CNIH3: variants seen among roughly 807,000 people sequenced by gnomAD.
CNIH3 encodes protein cornichon homolog 3.
CNIH3 carries 14 observed loss-of-function variants against 24.1 expected under a neutral mutation model. The observed-to-expected ratio is 0.58, with a 90% CI of 0.38 to 0.91. The LOEUF (loss-of-function observed/expected upper bound fraction) is 0.91. Among genes scored for constraint, CNIH3 ranks in the 40% least tolerant of loss-of-function variants. The probability of loss-of-function intolerance (pLI) is 0.00; values close to 1 mark genes in which losing one functional copy is unlikely to be tolerated. For missense variants in CNIH3, 178 were observed against 196.8 expected (o/e 0.90, Z 0.57); for synonymous variants, 68 against 73.8 (o/e 0.92, Z 0.40).
chr1:224,608,418 T>C (rs2405317), intron 3 of CNIH3, among the ~76,000 whole-genome samples: 107,000 of 152,054 alleles, frequency 0.7, 39,352 homozygotes, highest in East Asian at 0.99. Flanking sequence ...GAGCAATTCC[T>C]GTCCCTTTTA....
At chr1:224,548,975 C>T (rs1356863088) in intron 3 of CNIH3, among the ~76,000 whole-genome samples, 3 of 146,406 alleles carry the variant, frequency 2.0e-5, no homozygotes, top group Non-Finnish European at 4.6e-5. Context: ...CTTTTCATAG[C>T]ATCACAGTGT....
intron 1 of CNIH3, among the ~76,000 whole-genome samples, chr1:224,486,417 T>C (rs1370993709): frequency 6.6e-6 from 1 of 152,170 alleles, no homozygotes; most frequent in African/African-American, 2.4e-5. Flanking sequence ...GTTTTATGCA[T>C]AGTCCTTAAG....
intron 1 of CNIH3, among the ~76,000 whole-genome samples, chr1:224,474,416 T>C (rs1676487069): frequency 6.7e-6 from 1 of 148,778 alleles, no homozygotes; most frequent in Non-Finnish European, 1.5e-5. Flanking sequence ...AAACAAATGA[T>C]AGTGGAAACA....
rs532555154 is a variant in CNIH3, at chr1:224,557,957, G to T, written n.451-8242G>T. ...TACAGATAAAGGAAAAGGCTTAGAA[G>T]AGTTAATTGACTTGTTCGTGGTCTC... On this transcript the variant is annotated intron_variant and non_coding_transcript_variant, in intron 3 of 5. Transcript: ENST00000471578. 1.9e-3 allele frequency among the ~76,000 whole-genome samples: 284 copies of T among 152,338 alleles called. 3 individuals carry two copies. Among genetic ancestry groups the T allele is most frequent in the African/African-American group, 6.6e-3 (273 of 41,574 alleles).
intron 4 of CNIH3, among the ~76,000 whole-genome samples, chr1:224,573,490 G>A (rs1368372920): frequency 6.6e-6 from 1 of 152,160 alleles, no homozygotes; most frequent in Non-Finnish European, 1.5e-5. Context: ...ATCTTCATAA[G>A]GCTGGAAGTT....
In CNIH3 at chr1:224,617,234, C is replaced by G; in HGVS notation, c.60C>G (p.Leu20=). Residue 20 remains leucine, a synonymous_variant, in exon 1 of 6, where the codon CTC becomes CTG. Transcript: ENST00000272133. The part of the protein sequence containing the change: ...YMLSLVLCAA[L]IFFAIWHIIA... ...TGTCTCTGGTGCTGTGCGCTGCGCTCATCTTCTTCGCCATCTGGCACGTGA... is the reference window on the plus strand; with the variant it reads ...TGTCTCTGGTGCTGTGCGCTGCGCTGATCTTCTTCGCCATCTGGCACGTGA... 6.2e-7 allele frequency: 1 copy of G among 1,614,062 alleles called. No individual in the cohort carries two copies. Among genetic ancestry groups the G allele is most frequent in the Non-Finnish European group, 8.5e-7 (1 of 1,179,986 alleles).
At chr1:224,474,835 GACTAACACGGTGAA>G (rs1240305439) in intron 1 of CNIH3, among the ~76,000 whole-genome samples, 1 of 151,334 alleles carries the variant, frequency 6.6e-6, no homozygotes, top group African/African-American at 2.4e-5. Context: ...AGACCATCCT[GACTAACACGGTGAA>G]ACCCCGTCTC....
At chr1:224,619,831 C>CA (rs1386808326) in intron 1 of CNIH3, among the ~76,000 whole-genome samples, 1 of 152,222 alleles carries the variant, frequency 6.6e-6, no homozygotes, top group Non-Finnish European at 1.5e-5. Context: ...AAATGCCTGC[C>CA]ATGCTGCCAT....
In CNIH3 at chr1:224,439,935, C is replaced by T. The variant is rs575225833; in HGVS notation, n.203+5073C>T. ...TCCAGAGTAGCTGGGACTACAGGCA[C>T]CCACCACCACACCCGGCTAATTTTT... is the stretch of plus-strand genomic sequence containing the variant. On this transcript the variant is annotated intron_variant and non_coding_transcript_variant, in intron 1 of 5. Coordinates refer to the CNIH3 transcript ENST00000471578. Among the ~76,000 whole-genome samples, 22 of 152,328 alleles carry T rather than the reference C, an allele frequency of 1.4e-4. No individual in the cohort carries two copies. In the South Asian group the frequency reaches 3.9e-3, roughly 27 times the overall value.
At chr1:224,483,132 A>G (rs1442204206) in intron 1 of CNIH3, among the ~76,000 whole-genome samples, 1 of 152,196 alleles carries the variant, frequency 6.6e-6, no homozygotes, top group African/African-American at 2.4e-5. Context: ...TTGGCAATTC[A>G]AAACTGTCTT....
Position 224,446,649 on chromosome 1 carries a change from T to C in CNIH3, n.203+11787T>C, listed in dbSNP as rs184155229. Among the ~76,000 whole-genome samples, 810 of 152,344 alleles carry C rather than the reference T, an allele frequency of 5.3e-3. 12 individuals carry two copies. Among genetic ancestry groups the C allele is most frequent in the African/African-American group, 0.018 (769 of 41,576 alleles). Reference sequence around the variant, plus strand: ...ATTCTTTAGTCTTGAGTTAAGGAGCTTCATTTAAAAGTCTACTGTTAAAAG... The same window carrying C: ...ATTCTTTAGTCTTGAGTTAAGGAGCCTCATTTAAAAGTCTACTGTTAAAAG... On this transcript the variant is annotated intron_variant and non_coding_transcript_variant, in intron 1 of 5. Transcript: ENST00000471578.
At position 224,602,424 on chromosome 1, in the gene CNIH3, G is replaced by A. The variant is rs767000896; in HGVS notation, n.402+36160G>A. 6.6e-5 allele frequency among the ~76,000 whole-genome samples: 10 copies of A among 151,954 alleles called. No homozygotes were observed. The South Asian group carries it at 1.9e-3, about 28-fold the overall frequency. On this transcript the variant is annotated intron_variant and non_coding_transcript_variant, in intron 3 of 7. Coordinates refer to the CNIH3 transcript ENST00000478120. The stretch of plus-strand genomic sequence containing the variant: ...TTACATTTTTTCTTTCAAATGCATT[G>A]TTTTCTGAAATTGATCTTTTGATTG...
At chr1:224,645,585 G>A (rs1409245416) in intron 1 of CNIH3, among the ~76,000 whole-genome samples, 3 of 152,222 alleles carry the variant, frequency 2.0e-5, no homozygotes, top group Non-Finnish European at 4.4e-5. Flanking sequence ...AAATATGGTG[G>A]GTGGTGAGGT....
chr1:224,692,061 G>T (rs1057277338), intron 3 of CNIH3, among the ~76,000 whole-genome samples: 1 of 152,228 alleles, frequency 6.6e-6, no homozygotes, highest in Non-Finnish European at 1.5e-5. Flanking sequence ...AGCACTTTGG[G>T]AGGCAGGAGG....
chr1:224,711,970 C>A (rs1688177890), intron 3 of CNIH3, among the ~76,000 whole-genome samples: 1 of 152,158 alleles, frequency 6.6e-6, no homozygotes, highest in African/African-American at 2.4e-5. Flanking sequence ...CCTGCTGCAT[C>A]AGGTCCCAAC....
intron 3 of CNIH3, among the ~76,000 whole-genome samples, chr1:224,726,022 G>A (rs529722415): frequency 9.3e-4 from 142 of 152,286 alleles, no homozygotes; most frequent in Middle Eastern, 3.4e-3. Context: ...TGAATGAGAG[G>A]ATACATAACT....
chr1:224,616,445 C>G lies in CNIH3; in HGVS notation c.-730C>G. 4.0e-6 allele frequency: 4 copies of G among 992,328 alleles called. No homozygotes were observed. The highest frequency in any genetic ancestry group is 4.8e-6 in the Non-Finnish European group (4 of 833,758). 61.5% of individuals were successfully genotyped at this position (992,328 alleles called of 1,614,324 possible). ...GTTGGCCCGTTGGGTGGAGCCAGTG[C>G]TCGCCCCGGTCCGACCCCCGGTTTC... On this transcript the variant is annotated 5_prime_UTR_variant, in exon 1 of 6. Transcript: ENST00000272133.
intron 3 of CNIH3, among the ~76,000 whole-genome samples, chr1:224,707,952 T>C (rs1687913467): frequency 6.6e-6 from 1 of 152,156 alleles, no homozygotes; most frequent in South Asian, 2.1e-4. Context: ...ACCCTCTCTG[T>C]CCACTAGAAT....
At chr1:224,454,443 G>T in intron 1 of CNIH3, 1 of 470,428 alleles carries the variant, frequency 2.1e-6, no homozygotes, top group Non-Finnish European at 2.8e-6. Flanking sequence ...GTTTCTATTG[G>T]TGTAGTCTGT....
Sources: allele counts gnomAD v4.1 joint callset (sites outside exome capture counted in the v4.1 genomes callset), GRCh38; gene constraint gnomAD v4.1.1; transcripts MANE v1.5; gene names NCBI Gene and HGNC (gene_info 2026-07-23, HGNC 2026-07-21).